Variants in FAT1 observed in about 807,000 individuals in gnomAD.
FAT1 encodes the protein protocadherin Fat 1.
Under a neutral mutation model 329.8 loss-of-function variants are expected in FAT1, and 171 were observed. The ratio of observed to expected loss-of-function variants is 0.52; its 90% confidence interval spans 0.46 to 0.59. The LOEUF (loss-of-function observed/expected upper bound fraction) is 0.59. Among genes scored for constraint, FAT1 ranks in the 20% least tolerant of loss-of-function variants. The probability of loss-of-function intolerance (pLI) is 0.00; values close to 1 mark genes in which losing one functional copy is unlikely to be tolerated. For synonymous variants in FAT1, 2,233 were observed against 2,228.6 expected (o/e 1.00, Z -0.06); for missense variants, 5,672 against 5,774.4 (o/e 0.98, Z 0.57).
At position 186,619,823 on chromosome 4, in the gene FAT1, G is replaced by A. The variant is rs200488891; in HGVS notation, c.6763C>T (p.Arg2255Cys). Residue 2255 changes from arginine to cysteine, a missense_variant, in exon 10 of 27, where the codon CGC becomes TGC. Around this residue, in one of 2 missense-constraint regions of FAT1, gnomAD observed 3,966 missense variants for 3,915.2 expected, o/e 1.01. Transcript: ENST00000441802. ...EAHPAYKLSIRATDSLTGAHA... is the reference protein window; with the variant it reads ...EAHPAYKLSICATDSLTGAHA... ...GCGCCCGTCAAGGAGTCAGTTGCGC[G>A]TATGCTCAGCTTATATGCCGGGTGG... is the stretch of plus-strand genomic sequence containing the variant. 25 of 1,614,020 alleles carry A rather than the reference G, an allele frequency of 1.5e-5. No individual in the cohort carries two copies. The highest frequency in any genetic ancestry group is 1.0e-4 in the Admixed American group (6 of 60,024).
At position 186,620,294 on chromosome 4, in the gene FAT1, G is replaced by C; in HGVS notation, c.6292C>G (p.His2098Asp). Residue 2098 changes from histidine to aspartate, a missense_variant, in exon 10 of 27, where the codon CAT (histidine) becomes GAT (aspartate). Transcript: ENST00000441802. ...AVVKVDTEVG[H>D]VIRYVTAVDR... ...ACAGCAGTGACATAGCGAATGACAT[G>C]GCCCACCTCAGTGTCCACTTTAACA... 6.2e-7 allele frequency: 1 copy of C among 1,613,920 alleles called. No homozygotes were observed. Among genetic ancestry groups the C allele is most frequent in the Non-Finnish European group, 8.5e-7 (1 of 1,179,874 alleles).
At chr4:186,688,704 G>C (rs1221947891) in intron 2 of FAT1, among the ~76,000 whole-genome samples, 1 of 125,446 alleles carries the variant, frequency 8.0e-6, no homozygotes. Flanking sequence ...AGACTTTCCA[G>C]CCAGCAGCCG....
chr4:186,605,601 A>AAT (rs1739090186), intron 17 of FAT1, among the ~76,000 whole-genome samples: 1 of 39,154 alleles, frequency 2.6e-5, no homozygotes, highest in Non-Finnish European at 4.8e-5. Flanking sequence ...AGGAGTGGGG[A>AAT]GGAGGGAAGA....
chr4:186,724,631 A>C (rs179125), upstream of FAT1, among the ~76,000 whole-genome samples: 58,346 of 152,006 alleles, frequency 0.38, 13,507 homozygotes, highest in African/African-American at 0.66. This position sits in a 1 kb window ranked among gnomAD's most constrained non-coding sequence, Gnocchi z 5.3. Flanking sequence ...AGCGCCGAGA[A>C]GCCCGCTCCG....
chr4:186,609,759 G>A, intron 15 of FAT1, 42 bp downstream of exon 15: 1 of 1,374,906 alleles, frequency 7.3e-7, no homozygotes, highest in Non-Finnish European at 1.0e-6. Flanking sequence ...CAAAGATCCA[G>A]AAGATACACA....
chr4:186,682,574 G>A (rs957932153), intron 2 of FAT1, among the ~76,000 whole-genome samples: 1 of 147,760 alleles, frequency 6.8e-6, no homozygotes, highest in African/African-American at 2.6e-5. Flanking sequence ...AACATGATGC[G>A]TATGCATGAA....
intron 2 of FAT1, among the ~76,000 whole-genome samples, chr4:186,669,524 G>A (rs1254810320): frequency 6.6e-6 from 1 of 152,164 alleles, no homozygotes; most frequent in Non-Finnish European, 1.5e-5. Flanking sequence ...AGAATACAGT[G>A]AAGTTGTTAA....
At chr4:186,709,945 AC>A (rs1744879845) in intron 1 of FAT1, 100 bp from the exon 2 acceptor site, 1 of 1,084,734 alleles carries the variant, frequency 9.2e-7, no homozygotes, top group Non-Finnish European at 1.3e-6. Flanking sequence ...TTTTCCATAC[AC>A]ATGGAATATA....
rs58724460 is a variant in FAT1, at chr4:186,638,548, G to C, written c.3642+1174C>G. ...AAACTCAGATGTAATACATGAAGCA[G>C]CTCCTAATGGGGAAAGCACTGTGGC... On this transcript the variant is annotated intron_variant, in intron 4 of 26. Coordinates refer to ENST00000441802, the MANE Select transcript of FAT1 (RefSeq NM_005245.4). 6.5e-3 allele frequency among the ~76,000 whole-genome samples: 985 copies of C among 152,056 alleles called. 12 individuals carry two copies. Among genetic ancestry groups the C allele is most frequent in the African/African-American group, 0.022 (933 of 41,472 alleles).
chr4:186,668,110 T>A (rs1742543608), intron 2 of FAT1, among the ~76,000 whole-genome samples: 1 of 152,122 alleles, frequency 6.6e-6, no homozygotes, highest in Non-Finnish European at 1.5e-5. Context: ...ACCTAGGCGC[T>A]ATTATAGGCA....
In FAT1 at chr4:186,636,585, T is replaced by C. The variant is rs376043316; in HGVS notation, c.3972A>G (p.Ser1324=). ...FSAAGEYDIL[S]IKAVDNGRPQ... Reference sequence around the variant, plus strand: ...TTACAGTACTACAATCTTAACTCACTGAAAGAATATCATATTCTCCAGCTG... The same window carrying C: ...TTACAGTACTACAATCTTAACTCACCGAAAGAATATCATATTCTCCAGCTG... The change falls in exon 5 of 27, where the codon TCA becomes TCG. Residue 1324 remains serine (S), a splice_region_variant and synonymous_variant. Transcript: ENST00000441802. The C allele has an allele frequency of 6.2e-7, 1 of 1,601,734 alleles. No homozygotes were observed. Among genetic ancestry groups the C allele is most frequent in the African/African-American group, 1.3e-5 (1 of 74,178 alleles).
chr4:186,692,688 TCTC>T lies in FAT1; in HGVS notation c.3265+13872_3265+13874del, dbSNP rs149090434. 9.7e-3 allele frequency among the ~76,000 whole-genome samples: 1,476 copies of T among 152,172 alleles called. 18 individuals are homozygous for T. The highest frequency in any genetic ancestry group is 0.034 in the African/African-American group (1,397 of 41,506). ...ATACCAAATCAACACTCCTATATTC[TCTC>T]CTCATTTCGGTGTCTATTTCCACGC... On this transcript the variant is annotated intron_variant, in intron 2 of 26. Transcript: ENST00000441802.
upstream of FAT1, chr4:186,726,556 A>C (rs1745728631): frequency 6.6e-6 from 1 of 152,272 alleles, no homozygotes. Context: ...CGACCAGGGC[A>C]AACTTAAGCA....
intron 3 of FAT1, among the ~76,000 whole-genome samples, chr4:186,644,183 A>G (rs1234417281): frequency 6.6e-6 from 1 of 152,182 alleles, no homozygotes; most frequent in African/African-American, 2.4e-5. Context: ...TTGCTGTATT[A>G]TAGTATTTCA....
At chr4:186,680,982 T>TA (rs1406796102) in intron 2 of FAT1, among the ~76,000 whole-genome samples, 7 of 152,156 alleles carry the variant, frequency 4.6e-5, no homozygotes, top group Non-Finnish European at 1.5e-5. Context: ...TAAGAAAGCT[T>TA]AAAAAATAAT....
At chr4:186,726,047 C>T (rs1745708132), upstream of FAT1, among the ~76,000 whole-genome samples, 8 of 152,206 alleles carry the variant, frequency 5.3e-5, no homozygotes, top group Admixed American at 5.2e-4. Flanking sequence ...ATCTCGCGGC[C>T]CCGATGCGCC....
At position 186,604,502 on chromosome 4, in the gene FAT1, G is replaced by C. The variant is rs2126439416; in HGVS notation, c.10423C>G (p.Pro3475Ala). 12 of 1,613,766 alleles carry C rather than the reference G, an allele frequency of 7.4e-6. No homozygotes were observed. Among genetic ancestry groups the C allele is most frequent in the Non-Finnish European group, 1.0e-5 (12 of 1,179,708 alleles). Residue 3475 changes from proline to alanine, a missense_variant, in exon 18 of 27, where the codon CCC becomes GCC. By Grantham distance (27) the Pro-to-Ala change is conservative. Transcript: ENST00000441802. Reference protein sequence around the residue: ...TDEDSSHNGPPFFFTIVTGND... With the variant: ...TDEDSSHNGPAFFFTIVTGND... ...CCAGTTACAATAGTAAAGAAGAAGG[G>C]TGGACCGTTATGGGAAGAATCCTCA...
rs774714048 is a variant in FAT1, at chr4:186,588,756, T to G, written c.13603A>C (p.Met4535Leu). 1.2e-6 allele frequency: 2 copies of G among 1,614,002 alleles called. No homozygotes were observed. Among genetic ancestry groups the G allele is most frequent in the Middle Eastern group, 1.6e-4 (1 of 6,062 alleles). The change falls in exon 27 of 27, where the codon ATG becomes CTG. Residue 4535 changes from methionine to leucine, a missense_variant. Physicochemically the swap from Met to Leu is conservative, Grantham distance 15. Around this residue, in one of 2 missense-constraint regions of FAT1, gnomAD observed 1,706 missense variants for 1,859.1 expected, o/e 0.92. Coordinates refer to ENST00000441802, the MANE Select transcript of FAT1 (RefSeq NM_005245.4). ...RHFEAPAVES[M>L]PMSVYASTAS... ...GTGGAGGCGTACACAGACATGGGCA[T>G]GCTCTCGACAGCGGGCGCCTCGAAG...
At chr4:186,717,930 G>C (rs1452410511) in intron 1 of FAT1, among the ~76,000 whole-genome samples, 2 of 152,166 alleles carry the variant, frequency 1.3e-5, no homozygotes, top group Non-Finnish European at 2.9e-5. Flanking sequence ...TTGACCTCTT[G>C]TGAATGGAGA....
Sources: allele counts gnomAD v4.1 joint callset (sites outside exome capture counted in the v4.1 genomes callset), GRCh38; gene constraint gnomAD v4.1.1; regional missense constraint gnomAD v4.1.1; non-coding constraint Gnocchi (gnomAD v3.1); transcripts MANE v1.5; gene names NCBI Gene and HGNC (gene_info 2026-07-23, HGNC 2026-07-21).